Variants in BMPR2 observed in about 807,000 individuals in gnomAD.
The protein encoded by BMPR2 is bone morphogenetic protein receptor type-2.
BMPR2 carries 29 observed loss-of-function variants against 100.8 expected under a neutral mutation model. The ratio of observed to expected loss-of-function variants is 0.29; its 90% CI spans 0.21 to 0.39. BMPR2 has a LOEUF of 0.39. Among genes scored for constraint, BMPR2 ranks in the 10% least tolerant of loss-of-function variants. The probability of loss-of-function intolerance (pLI) is 1.00; values close to 1 mark genes in which losing one functional copy is unlikely to be tolerated. For missense variants in BMPR2, 1,011 were observed against 1,274.5 expected (o/e 0.79, Z 3.15); for synonymous variants, 382 against 442.3 (o/e 0.86, Z 1.71).
At chr2:202,391,307 T>G (rs374393236) in intron 1 of BMPR2, among the ~76,000 whole-genome samples, 1 of 151,848 alleles carries the variant, frequency 6.6e-6, no homozygotes, top group Non-Finnish European at 1.5e-5. Context: ...GTTGTTGTTG[T>G]TGTTGTTTTT....
intron 1 of BMPR2, among the ~76,000 whole-genome samples, chr2:202,382,634 G>A (rs986464124): frequency 6.6e-6 from 1 of 152,162 alleles, no homozygotes; most frequent in Non-Finnish European, 1.5e-5. Context: ...TTTCAACCAG[G>A]AATATTCTAG....
chr2:202,439,534 C>T lies in BMPR2; in HGVS notation c.77-25275C>T, dbSNP rs192810291. Reference sequence around the variant, plus strand: ...CAAACAGAGATGACTTGACTTCTTCCTTTCTAATCTGTATGTCTTTTTATT... The same window carrying T: ...CAAACAGAGATGACTTGACTTCTTCTTTTCTAATCTGTATGTCTTTTTATT... On this transcript the variant is annotated intron_variant, in intron 1 of 12. Transcript: ENST00000374580. Among the ~76,000 whole-genome samples, 272 of 149,246 alleles carry T rather than the reference C, an allele frequency of 1.8e-3. 4 individuals carry two copies. In the Middle Eastern group the frequency reaches 0.034, roughly 19 times the overall value.
At chr2:202,383,459 T>A (rs767267867) in intron 1 of BMPR2, among the ~76,000 whole-genome samples, 1 of 152,170 alleles carries the variant, frequency 6.6e-6, no homozygotes, top group Admixed American at 6.5e-5. Flanking sequence ...GGTGGGCTGA[T>A]CACCTGAAGT....
chr2:202,390,275 A>G (rs1690520012), intron 1 of BMPR2, among the ~76,000 whole-genome samples: 1 of 152,106 alleles, frequency 6.6e-6, no homozygotes, highest in African/African-American at 2.4e-5. Context: ...AATTTCTTCA[A>G]AATAGGTTGT....
intron 1 of BMPR2, among the ~76,000 whole-genome samples, chr2:202,387,645 A>C (rs973197606): frequency 1.1e-4 from 16 of 152,184 alleles, no homozygotes; most frequent in African/African-American, 3.9e-4. Context: ...GTTTTGTTTT[A>C]TGTGTAGCAT....
intron 1 of BMPR2, among the ~76,000 whole-genome samples, chr2:202,436,344 C>A (rs544706110): frequency 1.3e-5 from 2 of 150,070 alleles, no homozygotes; most frequent in East Asian, 3.9e-4. Flanking sequence ...TACTTGGGGG[C>A]CTGAGGTGGG....
intron 1 of BMPR2, among the ~76,000 whole-genome samples, chr2:202,389,206 C>T (rs1462408343): frequency 6.6e-6 from 1 of 151,780 alleles, no homozygotes; most frequent in Non-Finnish European, 1.5e-5. Context: ...GCTTGGGTGA[C>T]AGGTTGAGAC....
In BMPR2 at chr2:202,556,322, G is replaced by A. The variant is rs147960425; in HGVS notation, c.2657G>A (p.Arg886His). Residue 886 changes from arginine (R) to histidine (H), a missense_variant, in exon 12 of 13, where the codon CGT becomes CAT. By Grantham distance (29) the Arg-to-His change is conservative (BLOSUM62 0). Transcript: ENST00000374580. ...QAGHDEGVLD[R>H]LVDRRERPLE... ...GGCCATGATGAAGGTGTTCTGGATCGTCTTGTGGACAGGAGGGAACGGCCA... is the reference window on the plus strand; with the variant it reads ...GGCCATGATGAAGGTGTTCTGGATCATCTTGTGGACAGGAGGGAACGGCCA... The A allele has an allele frequency of 4.8e-5, 77 of 1,614,104 alleles. No homozygotes were observed. The highest frequency in any genetic ancestry group is 6.0e-5 in the Non-Finnish European group (71 of 1,180,050).
intron 1 of BMPR2, among the ~76,000 whole-genome samples, chr2:202,435,424 T>C (rs1293062701): frequency 7.0e-6 from 1 of 143,094 alleles, no homozygotes; most frequent in African/African-American, 2.7e-5. Flanking sequence ...TGTACAGTTA[T>C]ACAGTATGTT....
intron 7 of BMPR2, among the ~76,000 whole-genome samples, chr2:202,529,793 A>C (rs1687984130): frequency 2.6e-5 from 4 of 152,176 alleles, no homozygotes; most frequent in Admixed American, 2.6e-4. Flanking sequence ...AATGAGCGTA[A>C]TACATCTGAA....
rs750470872 is a variant in BMPR2, at chr2:202,456,063, CAAAAAAAAAAAAAAAAAAAAAAAAAAA to C, written c.77-8733_77-8707del. On this transcript the variant is annotated intron_variant, in intron 1 of 12. Transcript: ENST00000374580. Reference sequence around the variant, plus strand: ...CTGGGCAACAGGGTGAGACCCGTCTCAAAAAAAAAAAAAAAAAAAAAAAAAAAAAAAAAAAAAAAGTTAAGTAGTATT... The same window carrying C: ...CTGGGCAACAGGGTGAGACCCGTCTCAAAAAAAAAAAAGTTAAGTAGTATT... Among the ~76,000 whole-genome samples, 159 of 36,762 alleles carry C rather than the reference CAAAAAAAAAAAAAAAAAAAAAAAAAAA, an allele frequency of 4.3e-3. 4 individuals carry two copies. The highest frequency in any genetic ancestry group is 0.018 in the African/African-American group (152 of 8,474). The allele number at this position is 36,762 out of a possible 152,430, so 24.1% of individuals were successfully genotyped here. A position where few individuals can be genotyped will look rare whatever the true frequency, so the allele number is the denominator to read the frequency against.
intron 7 of BMPR2, among the ~76,000 whole-genome samples, chr2:202,524,409 C>T (rs182597107): frequency 1.4e-3 from 208 of 149,942 alleles, no homozygotes; most frequent in African/African-American, 4.8e-3. Context: ...GCTCATTACA[C>T]GAATAACAGG....
intron 1 of BMPR2, among the ~76,000 whole-genome samples, chr2:202,402,424 G>C (rs1327925781): frequency 3.9e-5 from 6 of 152,086 alleles, no homozygotes; most frequent in Admixed American, 1.3e-4. Flanking sequence ...GGCTGAGGCA[G>C]GAGAATCGCT....
intron 3 of BMPR2, among the ~76,000 whole-genome samples, chr2:202,470,334 C>A (rs890413566): frequency 6.6e-6 from 1 of 151,536 alleles, no homozygotes; most frequent in Admixed American, 6.6e-5. Context: ...AAGAGTGAAA[C>A]GCTGTCTCAA....
intron 10 of BMPR2, among the ~76,000 whole-genome samples, chr2:202,551,933 G>A (rs1287757865): frequency 6.7e-6 from 1 of 149,576 alleles, no homozygotes; most frequent in Non-Finnish European, 1.5e-5. Context: ...GCATGATCTC[G>A]GCCCACTGCC....
intron 3 of BMPR2, among the ~76,000 whole-genome samples, chr2:202,470,733 C>G (rs535102157): frequency 1.4e-4 from 20 of 148,096 alleles, no homozygotes; most frequent in Non-Finnish European, 2.2e-4. Flanking sequence ...CACTGCAGTC[C>G]GCAGTCCGGC....
At chr2:202,510,424 G>A (rs1687598225) in intron 3 of BMPR2, among the ~76,000 whole-genome samples, 1 of 152,102 alleles carries the variant, frequency 6.6e-6, no homozygotes, top group South Asian at 2.1e-4. Context: ...GAACTGCTAA[G>A]CCACAAAAAG....
rs13413571 is a variant in BMPR2 at position 202,524,287 on chromosome 2, G to A, written c.967+4086G>A. On this transcript the variant is annotated intron_variant, in intron 7 of 12. Coordinates refer to ENST00000374580, the MANE Select transcript of BMPR2 (RefSeq NM_001204.7). ...TGAGGCAGGAGAATGCCATGAACCC[G>A]GTACGCGGGGCTTGCAGTGAGCCGA... Among the ~76,000 whole-genome samples, 1,013 of 151,812 alleles carry A rather than the reference G, an allele frequency of 6.7e-3. 15 individuals carry two copies. The highest frequency in any genetic ancestry group is 0.023 in the African/African-American group (947 of 41,352).
At chr2:202,434,933 A>ATATATATATATATATATTTATT (rs1483284948) in intron 1 of BMPR2, among the ~76,000 whole-genome samples, 2 of 82,024 alleles carry the variant, frequency 2.4e-5, no homozygotes, top group African/African-American at 1.0e-4. Flanking sequence ...ATATATATAT[A>ATATATATATATATATATTTATT]TATTTATTTA....
Sources: allele counts gnomAD v4.1 joint callset (sites outside exome capture counted in the v4.1 genomes callset), GRCh38; gene constraint gnomAD v4.1.1; transcripts MANE v1.5; gene names NCBI Gene and HGNC (gene_info 2026-07-23, HGNC 2026-07-21).